The following CDKAL1 variants were observed in gnomAD, a reference collection of about 807,000 sequenced individuals.
The protein encoded by CDKAL1 is threonylcarbamoyladenosine tRNA methylthiotransferase.
Under a neutral mutation model 68.2 loss-of-function variants are expected in CDKAL1, and 32 were observed. The ratio of observed to expected loss-of-function variants is 0.47; its 90% CI spans 0.35 to 0.63. The LOEUF is 0.63. Among genes scored for constraint, CDKAL1 ranks in the 30% least tolerant of loss-of-function variants. CDKAL1 has a pLI of 0.00. For missense variants in CDKAL1, 606 were observed against 696.7 expected, an observed-to-expected ratio of 0.87 and a Z score of 1.47; for synonymous variants, 234 against 244.3, an observed-to-expected ratio of 0.96 and a Z score of 0.39.
intron 8 of CDKAL1, among the ~76,000 whole-genome samples, chr6:20,837,578 C>A (rs1461302370): frequency 6.6e-6 from 1 of 152,036 alleles, no homozygotes; most frequent in Non-Finnish European, 1.5e-5. Context: ...TTCAGATTAA[C>A]CCTTAGGTAA....
intron 4 of CDKAL1, among the ~76,000 whole-genome samples, chr6:20,639,381 A>G (rs1364554287): frequency 6.6e-6 from 1 of 152,136 alleles, no homozygotes; most frequent in Non-Finnish European, 1.5e-5. Context: ...GGGCCAGTTC[A>G]TACTCTTGAG....
chr6:20,767,491 T>C (rs1316549638), intron 7 of CDKAL1, among the ~76,000 whole-genome samples: 1 of 152,142 alleles, frequency 6.6e-6, no homozygotes, highest in Non-Finnish European at 1.5e-5. Flanking sequence ...GATTTTATTG[T>C]TATGGAAATA....
At chr6:20,783,054 C>G (rs1184253151) in intron 8 of CDKAL1, among the ~76,000 whole-genome samples, 5 of 151,998 alleles carry the variant, frequency 3.3e-5, no homozygotes, top group Non-Finnish European at 7.4e-5. Context: ...CTCAGCCTCC[C>G]GAGTAACTGG....
Position 20,964,775 on chromosome 6 carries a change from A to T in CDKAL1, c.909+9190A>T, listed in dbSNP as rs376128951. On this transcript the variant is annotated intron_variant, in intron 10 of 15. Coordinates refer to ENST00000274695, the MANE Select transcript of CDKAL1 (RefSeq NM_017774.3). ...ACCTATGTCTCAGGGCTACCCATGT[A>T]CCCCTGAACTTAAACAGAAGTTAAA... Among the ~76,000 whole-genome samples, 4 of 152,242 alleles carry T rather than the reference A, an allele frequency of 2.6e-5. No individual in the cohort carries two copies. The East Asian group carries it at 7.7e-4, about 29-fold the overall frequency.
chr6:21,150,048 G>A (rs550138968), intron 13 of CDKAL1, among the ~76,000 whole-genome samples: 2 of 152,024 alleles, frequency 1.3e-5, no homozygotes, highest in East Asian at 3.9e-4. Context: ...TAGTAGAGAT[G>A]GGGTTTCACC....
intron 8 of CDKAL1, among the ~76,000 whole-genome samples, chr6:20,817,374 A>G (rs531150483): frequency 2.0e-5 from 3 of 152,278 alleles, no homozygotes; most frequent in African/African-American, 7.2e-5. Flanking sequence ...TGTTTACATT[A>G]TTAATACACT....
intron 4 of CDKAL1, among the ~76,000 whole-genome samples, chr6:20,575,979 C>T (rs1038819735): frequency 6.6e-6 from 1 of 152,152 alleles, no homozygotes; most frequent in Admixed American, 6.5e-5. Context: ...TACAGCATAA[C>T]TATACGATCA....
intron 4 of CDKAL1, among the ~76,000 whole-genome samples, chr6:20,603,059 C>G (rs887827384): frequency 2.0e-5 from 3 of 152,124 alleles, no homozygotes; most frequent in Non-Finnish European, 4.4e-5. Context: ...ATACTGTGAG[C>G]AAAGGTTTAT....
intron 4 of CDKAL1, among the ~76,000 whole-genome samples, chr6:20,572,295 T>C (rs1346501832): frequency 6.6e-6 from 1 of 152,198 alleles, no homozygotes; most frequent in Non-Finnish European, 1.5e-5. Flanking sequence ...CAAGGCTACC[T>C]GTATTTGAGA....
At chr6:20,634,998 A>G (rs1244955381) in intron 4 of CDKAL1, among the ~76,000 whole-genome samples, 1 of 146,230 alleles carries the variant, frequency 6.8e-6, no homozygotes, top group Non-Finnish European at 1.5e-5. Flanking sequence ...AAAAAAAAAA[A>G]GAAGAAAGAA....
intron 5 of CDKAL1, among the ~76,000 whole-genome samples, chr6:20,720,472 A>G (rs549405743): frequency 6.6e-6 from 1 of 152,112 alleles, no homozygotes; most frequent in African/African-American, 2.4e-5. Context: ...ACCTTTCTTC[A>G]TCATTCCTTC....
chr6:21,122,854 A>T (rs1199970172), intron 13 of CDKAL1, among the ~76,000 whole-genome samples: 1 of 128,076 alleles, frequency 7.8e-6, no homozygotes, highest in Non-Finnish European at 1.6e-5. Context: ...TATGTTGCCC[A>T]GGCTGGTCTC....
intron 13 of CDKAL1, among the ~76,000 whole-genome samples, chr6:21,185,499 T>C (rs1273946156): frequency 6.6e-6 from 1 of 152,220 alleles, no homozygotes; most frequent in Admixed American, 6.5e-5. Flanking sequence ...AAAAACTACC[T>C]ACATGCTCAC....
Position 20,958,622 on chromosome 6 carries a change from A to G in CDKAL1, c.909+3037A>G, listed in dbSNP as rs1443561366. 2.6e-5 allele frequency among the ~76,000 whole-genome samples: 4 copies of G among 152,344 alleles called. No homozygotes were observed. The East Asian group carries it at 7.7e-4, about 29-fold the overall frequency. ...AAAAAACAGAAGATGAAAACAGAAA[A>G]AAATAACAGCAAATGAAGGTGGTGA... On this transcript the variant is annotated intron_variant, in intron 10 of 15. Coordinates refer to ENST00000274695, the MANE Select transcript of CDKAL1 (RefSeq NM_017774.3).
In CDKAL1 at chr6:20,649,280, AT is replaced by A. The variant is rs756274004; in HGVS notation, c.287-6del. 6.3e-6 allele frequency: 10 copies of A among 1,588,098 alleles called. No individual in the cohort carries two copies. The highest frequency in any genetic ancestry group is 3.5e-5 in the Admixed American group (2 of 57,112). ...TGCTACTTACTTCTTTTTTGTGTTC[AT>A]TTTTTTAATAGAAAATGCATCCGAT... On this transcript the variant is annotated splice_polypyrimidine_tract_variant and intron_variant, in intron 4 of 15. Transcript: ENST00000274695.
At chr6:20,960,801 G>A (rs1288540557) in intron 10 of CDKAL1, among the ~76,000 whole-genome samples, 1 of 152,226 alleles carries the variant, frequency 6.6e-6, no homozygotes, top group Non-Finnish European at 1.5e-5. Flanking sequence ...AAGATGTACT[G>A]GATGGTTAGG....
chr6:20,914,757 A>G (rs1762644154), intron 9 of CDKAL1, among the ~76,000 whole-genome samples: 1 of 152,228 alleles, frequency 6.6e-6, no homozygotes, highest in East Asian at 1.9e-4. Context: ...ATAGCTGCAC[A>G]TAGCCTCCCC....
chr6:20,772,065 G>T (rs1774970799), intron 7 of CDKAL1, among the ~76,000 whole-genome samples: 1 of 152,048 alleles, frequency 6.6e-6, no homozygotes, highest in South Asian at 2.1e-4. Flanking sequence ...ACATTTTATT[G>T]TTCTCATTTT....
chr6:20,838,419 G>A (rs1239735986), intron 8 of CDKAL1, among the ~76,000 whole-genome samples: 1 of 152,028 alleles, frequency 6.6e-6, no homozygotes, highest in Non-Finnish European at 1.5e-5. Context: ...TGTCTCTACT[G>A]CTGTCTTTGG....
Sources: gnomAD v4.1 joint callset for allele counts (sites outside exome capture counted in the v4.1 genomes callset) on GRCh38, gnomAD v4.1.1 for gene constraint, MANE v1.5 for transcripts, NCBI Gene and HGNC (gene_info 2026-07-23, HGNC 2026-07-21) for gene names.